The following TNR variants were observed in gnomAD, a reference collection of about 807,000 sequenced individuals.
TNR encodes tenascin R, also known as tenascin-R.
TNR carries 45 observed loss-of-function variants against 150.4 expected under a neutral mutation model. That is an observed-to-expected ratio of 0.30 (90% CI 0.24 to 0.38). The LOEUF is 0.38. TNR is among the 10% of genes least tolerant of loss of function. TNR has a pLI of 1.00. For missense variants in TNR, 1,544 were observed against 1,759.1 expected (o/e 0.88, Z 2.19); for synonymous variants, 687 against 678.4 (o/e 1.01, Z -0.20).
In TNR at chr1:175,406,455, G is replaced by A; in HGVS notation, c.260C>T (p.Ala87Val). Reference sequence around the variant, plus strand: ...GTCTTCTGCACTCACCTCCTGCTCAGCAGAGGCCTCTAGCCCTGAGGAGCA... The same window carrying A: ...GTCTTCTGCACTCACCTCCTGCTCAACAGAGGCCTCTAGCCCTGAGGAGCA... ...NLCSSGLEAS[A>V]EQEVSAEDET... The change falls in exon 3 of 23, where the codon GCT (alanine) becomes GTT (valine). Residue 87 changes from alanine (A) to valine (V), a missense_variant. Around this residue, in one of 2 missense-constraint regions of TNR, gnomAD observed 1,254 missense variants for 1,329.4 expected, o/e 0.94. Coordinates refer to ENST00000367674, the MANE Select transcript of TNR (RefSeq NM_003285.3). 6.2e-7 allele frequency: 1 copy of A among 1,614,206 alleles called. No homozygotes were observed. Among genetic ancestry groups the A allele is most frequent in the Non-Finnish European group, 8.5e-7 (1 of 1,180,046 alleles).
Position 175,337,648 on chromosome 1 carries a change from A to C in TNR, c.3414T>G (p.Cys1138Trp), listed in dbSNP as rs1302013585. 2 of 1,614,116 alleles carry C rather than the reference A, an allele frequency of 1.2e-6. No individual in the cohort carries two copies. The highest frequency in any genetic ancestry group is 8.5e-7 in the Non-Finnish European group (1 of 1,180,042). Reference sequence around the variant, plus strand: ...TGTCTCCATTCATCAAATGCTGGGCACAGTCTTGGGGATGAGGGAACACCC... The same window carrying C: ...TGTCTCCATTCATCAAATGCTGGGCCCAGTCTTGGGGATGAGGGAACACCC... The part of the protein sequence containing the change: ...GGRVFPHPQD[C>W]AQHLMNGDTL... The change falls in exon 19 of 23, where the codon TGT becomes TGG. Residue 1138 changes from cysteine to tryptophan, a missense_variant. By Grantham distance (215) the Cys-to-Trp change is radical. Around this residue, in one of 2 missense-constraint regions of TNR, gnomAD observed 290 missense variants for 429.7 expected, o/e 0.67. Coordinates refer to ENST00000367674, the MANE Select transcript of TNR (RefSeq NM_003285.3).
At chr1:175,679,077 G>A (rs116577485) in intron 1 of TNR, among the ~76,000 whole-genome samples, 4,853 of 152,324 alleles carry the variant, frequency 0.032, 104 homozygotes, top group East Asian at 0.065. Context: ...TCTGACTTGC[G>A]GGAGGGCTTA....
intron 2 of TNR, among the ~76,000 whole-genome samples, chr1:175,484,973 A>G (rs1476794112): frequency 7.2e-5 from 11 of 152,216 alleles, no homozygotes; most frequent in Non-Finnish European, 1.5e-5. Context: ...CCAGCAAAGA[A>G]GTTTGCTCTC....
intron 4 of TNR, 53 bp from the exon 5 acceptor site, chr1:175,396,860 T>A: frequency 6.4e-7 from 1 of 1,572,830 alleles, no homozygotes; most frequent in Non-Finnish European, 8.7e-7. Context: ...GCCTTCCCCA[T>A]CCTGGACTCA....
rs1338402100 is a variant in TNR at position 175,579,186 on chromosome 1, T to TTCC, written c.-164-50820_-164-50818dup. 7.2e-4 allele frequency among the ~76,000 whole-genome samples: 105 copies of TTCC among 145,498 alleles called. 1 individual carries two copies. The highest frequency in any genetic ancestry group is 2.1e-3 in the Admixed American group (30 of 14,618). ...CTTCTTTCCTTCCTTCCTTCCTTCC[T>TTCC]TCCTTCCTTCCTTCCTTCCTTCTTT... On this transcript the variant is annotated intron_variant, in intron 1 of 22. Transcript: ENST00000367674.
chr1:175,474,983 A>G (rs1224193474), intron 2 of TNR, among the ~76,000 whole-genome samples: 1 of 152,236 alleles, frequency 6.6e-6, no homozygotes, highest in Non-Finnish European at 1.5e-5. Flanking sequence ...TGCCAGGCAT[A>G]GAGAGAATGT....
chr1:175,691,443 T>C (rs1313814778), intron 1 of TNR, among the ~76,000 whole-genome samples: 1 of 152,160 alleles, frequency 6.6e-6, no homozygotes, highest in Non-Finnish European at 1.5e-5. Flanking sequence ...AAAAAGGAGA[T>C]ACTGTTATTC....
intron 2 of TNR, among the ~76,000 whole-genome samples, chr1:175,504,137 AGAGT>A (rs1658855132): frequency 6.6e-6 from 1 of 152,118 alleles, no homozygotes; most frequent in Admixed American, 6.5e-5. Flanking sequence ...GGGAGTTTCT[AGAGT>A]GAAAAATCTC....
chr1:175,498,634 C>CA, intron 2 of TNR, among the ~76,000 whole-genome samples: 1 of 152,332 alleles, frequency 6.6e-6, no homozygotes, highest in East Asian at 1.9e-4. Flanking sequence ...CTAGCATAGG[C>CA]AGAAAAGGTC....
intron 9 of TNR, among the ~76,000 whole-genome samples, 199 bp from the exon 10 acceptor site, chr1:175,367,496 G>T (rs150419599): frequency 1.4e-4 from 21 of 152,258 alleles, no homozygotes; most frequent in African/African-American, 4.8e-4. Context: ...ACCAGCCCAC[G>T]CAGAGCTTCC....
chr1:175,686,384 C>T (rs1666201350), intron 1 of TNR, among the ~76,000 whole-genome samples: 1 of 152,208 alleles, frequency 6.6e-6, no homozygotes, highest in Non-Finnish European at 1.5e-5. Flanking sequence ...ACTAGTAATG[C>T]TCACACCAAA....
At chr1:175,623,938 C>A (rs1664063677) in intron 1 of TNR, among the ~76,000 whole-genome samples, 1 of 152,226 alleles carries the variant, frequency 6.6e-6, no homozygotes, top group Non-Finnish European at 1.5e-5. Context: ...CTATGCTACC[C>A]TGGTTTTCTG....
chr1:175,485,212 C>G (rs533007527), intron 2 of TNR, among the ~76,000 whole-genome samples: 2 of 152,214 alleles, frequency 1.3e-5, no homozygotes, highest in South Asian at 4.2e-4. Context: ...TGCTGGCCAA[C>G]CAAAAAATCT....
intron 1 of TNR, among the ~76,000 whole-genome samples, chr1:175,688,513 A>G (rs1476337126): frequency 6.6e-6 from 1 of 152,252 alleles, no homozygotes; most frequent in Non-Finnish European, 1.5e-5. Flanking sequence ...AGTCTGTTGC[A>G]GACCCCAAAT....
At chr1:175,720,126 T>C (rs1403977330) in intron 1 of TNR, among the ~76,000 whole-genome samples, 1 of 152,194 alleles carries the variant, frequency 6.6e-6, no homozygotes, top group Non-Finnish European at 1.5e-5. Flanking sequence ...AACCCCAGTG[T>C]GACAATTTGG....
Position 175,316,100 on chromosome 1 carries a change from A to G in TNR, c.*7257T>C, listed in dbSNP as rs1648834231. On this transcript the variant is annotated 3_prime_UTR_variant, in exon 23 of 23. Transcript: ENST00000367674. ...TTCTTGGGGAGATCTATTCCTTTAT[A>G]TATAAACATCATTCAATTAAAGGGA... The G allele has an allele frequency of 6.6e-6, 1 of 152,320 alleles. No homozygotes were observed. Among genetic ancestry groups the G allele is most frequent in the East Asian group, 1.9e-4 (1 of 5,186 alleles). The allele number at this position is 152,320 out of a possible 1,614,324, so 9.4% of individuals were successfully genotyped here. A position where few individuals can be genotyped will look rare whatever the true frequency, so the allele number is the denominator to read the frequency against.
chr1:175,460,609 T>C (rs924786862), intron 2 of TNR, among the ~76,000 whole-genome samples: 1 of 152,206 alleles, frequency 6.6e-6, no homozygotes, highest in Non-Finnish European at 1.5e-5. Context: ...TCCTCATAAA[T>C]GTGACCTCAT....
intron 2 of TNR, among the ~76,000 whole-genome samples, chr1:175,407,438 G>C (rs577767045): frequency 1.3e-5 from 2 of 152,136 alleles, no homozygotes; most frequent in African/African-American, 2.4e-5. Context: ...TTTCTTCCAA[G>C]TTCCTGTTTA....
chr1:175,402,465 G>C (rs1653758173), intron 4 of TNR, among the ~76,000 whole-genome samples: 3 of 149,702 alleles, frequency 2.0e-5, no homozygotes, highest in Admixed American at 2.0e-4. Context: ...GTTCTAATTT[G>C]CTAGATAGTC....
Sources: gnomAD v4.1 joint callset for allele counts (sites outside exome capture counted in the v4.1 genomes callset) on GRCh38, gnomAD v4.1.1 for gene constraint, gnomAD v4.1.1 regional missense constraint, MANE v1.5 for transcripts, NCBI Gene and HGNC (gene_info 2026-07-23, HGNC 2026-07-21) for gene names.